CTR9: variants seen among roughly 807,000 people sequenced by gnomAD.
CTR9 encodes CTR9 component of Paf1/RNA polymerase II complex.
In CTR9, 41 loss-of-function variants were observed where a neutral mutation model predicts 152.1. That is an observed-to-expected ratio of 0.27 (90% CI 0.21 to 0.35). The LOEUF (loss-of-function observed/expected upper bound fraction) is 0.35, where lower values mean the gene tolerates loss of function less well. Among genes scored for constraint, CTR9 ranks in the 10% least tolerant of loss-of-function variants. CTR9 has a pLI of 1.00. For synonymous variants in CTR9, 476 were observed against 496.2 expected (o/e 0.96, Z 0.54); for missense variants, 917 against 1,424.4 (o/e 0.64, Z 5.73).
At chr11:10,776,249 C>G (rs2135386473) in intron 24 of CTR9, among the ~76,000 whole-genome samples, 1 of 152,206 alleles carries the variant, frequency 6.6e-6, no homozygotes, top group Middle Eastern at 3.4e-3. Context: ...CCATGCCCAG[C>G]TAATTTTGTA....
chr11:10,776,803 T>C (rs2135387046), intron 24 of CTR9, among the ~76,000 whole-genome samples: 1 of 151,462 alleles, frequency 6.6e-6, no homozygotes, highest in South Asian at 2.1e-4. Context: ...CAAAACCCCA[T>C]CCCTACTAAA....
Position 10,778,956 on chromosome 11 carries a change from T to C in CTR9, c.3373T>C (p.Ser1125Pro). 6.2e-7 allele frequency: 1 copy of C among 1,614,060 alleles called. No individual in the cohort carries two copies. Among genetic ancestry groups the C allele is most frequent in the Non-Finnish European group, 8.5e-7 (1 of 1,180,010 alleles). Residue 1125 changes from serine to proline, a missense_variant, in exon 25 of 25, where the codon TCT becomes CCT. Around this residue, in one of 9 missense-constraint regions of CTR9, gnomAD observed 384 missense variants for 398.4 expected, o/e 0.96. Transcript: ENST00000361367. ...TTCTGAGAACGACTCTCGCCCAGCT[T>C]CTCCAAGTGCCGAATCAGATCACGA... Reference protein sequence around the residue: ...GVSENDSRPASPSAESDHESE... With the variant: ...GVSENDSRPAPPSAESDHESE...
chr11:10,757,634 T>C (rs537252684), intron 5 of CTR9, among the ~76,000 whole-genome samples: 2 of 152,226 alleles, frequency 1.3e-5, no homozygotes, highest in Non-Finnish European at 2.9e-5. Flanking sequence ...CCCTATACTA[T>C]TTTTCTTTCC....
At chr11:10,774,201 C>T (rs749289950) in intron 22 of CTR9, 32 bp downstream of exon 22, 2 of 1,571,254 alleles carry the variant, frequency 1.3e-6, no homozygotes, top group South Asian at 2.4e-5. Flanking sequence ...TTTAAGTAAC[C>T]TCATAAAAGT....
chr11:10,778,348 T>A (rs1197121876), intron 24 of CTR9, among the ~76,000 whole-genome samples: 4 of 152,214 alleles, frequency 2.6e-5, no homozygotes, highest in Non-Finnish European at 5.9e-5. Context: ...AACAAATGTA[T>A]CCCTTCCTTT....
intron 5 of CTR9, among the ~76,000 whole-genome samples, chr11:10,759,048 T>G (rs1251239477): frequency 6.6e-6 from 1 of 152,186 alleles, no homozygotes; most frequent in Non-Finnish European, 1.5e-5. Context: ...ATTGACAAAG[T>G]GAAGACAGCA....
At chr11:10,756,690 A>G in intron 4 of CTR9, 59 bp from the exon 5 acceptor site, 2 of 1,216,070 alleles carry the variant, frequency 1.6e-6, no homozygotes, top group Admixed American at 2.1e-5. Flanking sequence ...TTAGTGTAAA[A>G]CATAATAGAC....
intron 2 of CTR9, among the ~76,000 whole-genome samples, chr11:10,753,080 G>A (rs1320494006): frequency 6.6e-6 from 1 of 152,302 alleles, no homozygotes; most frequent in Non-Finnish European, 1.5e-5. Flanking sequence ...CTGAAAAGAA[G>A]CGAAGTGCTT....
chr11:10,756,060 C>T (rs1037735910), intron 4 of CTR9, among the ~76,000 whole-genome samples: 19 of 152,276 alleles, frequency 1.2e-4, no homozygotes, highest in Admixed American at 9.2e-4. Context: ...GTAATCCCAG[C>T]GCTTTGAGAG....
chr11:10,770,939 G>A (rs1027465470), intron 18 of CTR9, among the ~76,000 whole-genome samples: 2 of 152,272 alleles, frequency 1.3e-5, no homozygotes, highest in South Asian at 2.1e-4. Context: ...TTATTAATCT[G>A]ACAGTAATGT....
chr11:10,768,237 T>C, intron 15 of CTR9, 76 bp downstream of exon 15: 1 of 1,576,918 alleles, frequency 6.3e-7, no homozygotes, highest in Non-Finnish European at 8.7e-7. Context: ...TAAATCAGAA[T>C]TTTTCTTAAA....
At position 10,778,698 on chromosome 11, in the gene CTR9, A is replaced by G. The variant is rs772685078; in HGVS notation, c.3115A>G (p.Ser1039Gly). The G allele has an allele frequency of 3.7e-6, 6 of 1,612,454 alleles. No homozygotes were observed. Among genetic ancestry groups the G allele is most frequent in the Non-Finnish European group, 5.1e-6 (6 of 1,178,612 alleles). The change falls in exon 25 of 25, where the codon AGC becomes GGC. Residue 1039 changes from serine to glycine, a missense_variant. Around this residue, in one of 9 missense-constraint regions of CTR9, gnomAD observed 384 missense variants for 398.4 expected, o/e 0.96. Transcript: ENST00000361367. The stretch of plus-strand genomic sequence containing the variant: ...TGCCAGACATCCCAGGAACAGCAAC[A>G]GCAACAGTGACTCAGACGAGGACGA... ...ADEGHPRNSNSNSDSDEDEQR... is the reference protein window; with the variant it reads ...ADEGHPRNSNGNSDSDEDEQR...
At chr11:10,758,674 A>G (rs1275056733) in intron 5 of CTR9, among the ~76,000 whole-genome samples, 1 of 152,250 alleles carries the variant, frequency 6.6e-6, no homozygotes, top group Non-Finnish European at 1.5e-5. Context: ...ATGTGGCTAT[A>G]CAACCTGAGT....
rs535315742 is a variant in CTR9 at position 10,772,801 on chromosome 11, C to T, written c.2580+146C>T. 37 of 847,258 alleles carry T rather than the reference C, an allele frequency of 4.4e-5. No individual in the cohort carries two copies. The South Asian group carries it at 4.8e-4, about 11-fold the overall frequency. The allele number at this position is 847,258 out of a possible 1,614,324, so 52.5% of individuals were successfully genotyped here. A position where few individuals can be genotyped will look rare whatever the true frequency, so the allele number is the denominator to read the frequency against. On this transcript the variant is annotated intron_variant, in intron 20 of 24. Coordinates refer to ENST00000361367, the MANE Select transcript of CTR9 (RefSeq NM_014633.5). ...TTGGGAGGATGAGGTGGGTGGAGGG[C>T]GGATCACTTGAGGTCAGGAGTTCGA... is the stretch of plus-strand genomic sequence containing the variant.
At chr11:10,770,392 T>G in intron 17 of CTR9, 66 bp downstream of exon 17, 1 of 1,576,082 alleles carries the variant, frequency 6.3e-7, no homozygotes, top group Non-Finnish European at 8.7e-7. Flanking sequence ...TTCTTCGTGA[T>G]GCGTGTTCAC....
chr11:10,757,012 G>A (rs767756191), intron 5 of CTR9, among the ~76,000 whole-genome samples, 174 bp downstream of exon 5: 1 of 152,202 alleles, frequency 6.6e-6, no homozygotes, highest in Non-Finnish European at 1.5e-5. Context: ...GTAAGGCCAG[G>A]TGCAATGGCT....
chr11:10,768,314 G>A, intron 15 of CTR9, 29 bp from the exon 16 acceptor site: 1 of 1,596,772 alleles, frequency 6.3e-7, no homozygotes. Flanking sequence ...TTAGAAAATT[G>A]TTAAGTGTGA....
At chr11:10,775,018 T>C (rs1805320365) in intron 22 of CTR9, among the ~76,000 whole-genome samples, 189 bp from the exon 23 acceptor site, 1 of 152,144 alleles carries the variant, frequency 6.6e-6, no homozygotes, top group Admixed American at 6.5e-5. Context: ...AAATACATAG[T>C]TTTTACATTT....
In CTR9 at chr11:10,774,226, T is replaced by C. The variant is rs1037847845; in HGVS notation, c.2885+57T>C. 3 of 1,530,444 alleles carry C rather than the reference T, an allele frequency of 2.0e-6. No individual in the cohort carries two copies. The South Asian group carries it at 3.9e-5, about 20-fold the overall frequency. 94.8% of individuals were successfully genotyped at this position (1,530,444 alleles called of 1,614,324 possible). ...CTCATAAAAGTGGTGAAAGACCTTT[T>C]ACCTTCTGAATCTTTTGATGTTTAG... On this transcript the variant is annotated intron_variant, in intron 22 of 24. Coordinates refer to ENST00000361367, the MANE Select transcript of CTR9 (RefSeq NM_014633.5).
Sources: gnomAD v4.1 joint callset for allele counts (sites outside exome capture counted in the v4.1 genomes callset) on GRCh38, gnomAD v4.1.1 for gene constraint, gnomAD v4.1.1 regional missense constraint, MANE v1.5 for transcripts, NCBI Gene and HGNC (gene_info 2026-07-23, HGNC 2026-07-21) for gene names.